The following JMJD1C variants were observed in gnomAD, a reference collection of about 807,000 sequenced individuals.
JMJD1C encodes jumonji domain-containing protein 1C.
In JMJD1C, 31 loss-of-function variants were observed where a neutral mutation model predicts 245.3. The ratio of observed to expected loss-of-function variants is 0.13; its 90% CI spans 0.09 to 0.17. The LOEUF (loss-of-function observed/expected upper bound fraction) is 0.17, where lower values mean the gene tolerates loss of function less well. Among genes scored for constraint, JMJD1C ranks in the 10% least tolerant of loss-of-function variants. The pLI, the probability that JMJD1C is intolerant of heterozygous loss-of-function variation, is 1.00. For missense variants in JMJD1C, 2,691 were observed against 3,000.2 expected (o/e 0.90, Z 2.41); for synonymous variants, 1,057 against 1,017.4 (o/e 1.04, Z -0.74).
intron 16 of JMJD1C, among the ~76,000 whole-genome samples, chr10:63,191,999 A>C (rs1259417113): frequency 2.7e-5 from 4 of 150,330 alleles, no homozygotes; most frequent in African/African-American, 9.7e-5. Flanking sequence ...AAAAAAAAAA[A>C]AAAAAAAAAA....
chr10:63,168,359 CT>C (rs1842040543), intron 25 of JMJD1C, 75 bp downstream of exon 25: 1 of 1,447,930 alleles, frequency 6.9e-7, no homozygotes, highest in African/African-American at 1.4e-5. Context: ...CAATGACTGC[CT>C]AAGCTGTTAT....
At position 63,209,115 on chromosome 10, in the gene JMJD1C, T is replaced by C. The variant is rs757263816; in HGVS notation, c.2815A>G (p.Thr939Ala). ...GTCAATGGTGGACTGGAATGGGCTG[T>C]AATTTTAAGAGGCCGATGAGGCTCT... is the stretch of plus-strand genomic sequence containing the variant. ...SAEPHRPLKI[T>A]AHSSPPLTKT... is the part of the protein sequence containing the mutation. The change falls in exon 9 of 26, where the codon ACA becomes GCA. Residue 939 changes from threonine (T) to alanine (A), a missense_variant. Around this residue, in one of 9 missense-constraint regions of JMJD1C, gnomAD observed 1,562 missense variants for 1,490.7 expected, o/e 1.05. Coordinates refer to ENST00000399262, the MANE Select transcript of JMJD1C (RefSeq NM_032776.3). 2.9e-5 allele frequency: 47 copies of C among 1,614,004 alleles called. 2 individuals are homozygous for C. In the South Asian group the frequency reaches 4.8e-4, roughly 17 times the overall value.
chr10:63,493,248 T>C (rs1954231740), intron 1 of JMJD1C, among the ~76,000 whole-genome samples: 1 of 133,026 alleles, frequency 7.5e-6, no homozygotes, highest in South Asian at 2.5e-4. Context: ...AACTGTTATT[T>C]CTTTTTTTTT....
At chr10:63,268,664 TTGTTCTTGAGAATTTTAAA>T in intron 2 of JMJD1C, 1 of 972,200 alleles carries the variant, frequency 1.0e-6, no homozygotes, top group Non-Finnish European at 1.2e-6. Context: ...AAACCGTACT[TTGTTCTTGAGAATTTTAAA>T]GTATCTTTAA....
chr10:63,446,156 T>C (rs1232097207), intron 1 of JMJD1C, among the ~76,000 whole-genome samples: 1 of 151,922 alleles, frequency 6.6e-6, no homozygotes, highest in Non-Finnish European at 1.5e-5. Context: ...ATTACAGGCG[T>C]TGAGCCACCA....
At chr10:63,316,273 C>T (rs541490867) in intron 2 of JMJD1C, among the ~76,000 whole-genome samples, 4 of 152,304 alleles carry the variant, frequency 2.6e-5, no homozygotes, top group East Asian at 3.9e-4. Flanking sequence ...GTTAGAAGTA[C>T]GCAGTAATTT....
intron 16 of JMJD1C, 87 bp downstream of exon 16, chr10:63,192,845 CAATATT>C: frequency 2.1e-6 from 2 of 947,396 alleles, no homozygotes; most frequent in South Asian, 2.9e-5. Context: ...TTGTTTACCT[CAATATT>C]AACAGTACTT....
At chr10:63,428,020 T>G in intron 1 of JMJD1C, 1 of 623,500 alleles carries the variant, frequency 1.6e-6, no homozygotes, top group Non-Finnish European at 2.9e-6. Flanking sequence ...CCACTGTACT[T>G]TATCATTAAA....
chr10:63,491,966 C>G (rs1396581169), intron 1 of JMJD1C, among the ~76,000 whole-genome samples: 1 of 152,226 alleles, frequency 6.6e-6, no homozygotes, highest in African/African-American at 2.4e-5. Flanking sequence ...GGGAATGCAA[C>G]CTAGCAGAAA....
chr10:63,223,802 G>A (rs1035482494), intron 3 of JMJD1C, among the ~76,000 whole-genome samples: 15 of 151,834 alleles, frequency 9.9e-5, no homozygotes, highest in Admixed American at 9.2e-4. Context: ...CGCCCAGGCC[G>A]GAGTGCAGTG....
chr10:63,481,034 CAT>C (rs1430582272), intron 1 of JMJD1C, among the ~76,000 whole-genome samples: 1 of 152,210 alleles, frequency 6.6e-6, no homozygotes, highest in Non-Finnish European at 1.5e-5. Flanking sequence ...AAATGCCACT[CAT>C]GTGTTGACAT....
chr10:63,171,273 T>C (rs965503379), intron 24 of JMJD1C, among the ~76,000 whole-genome samples: 10 of 93,886 alleles, frequency 1.1e-4, no homozygotes, highest in Non-Finnish European at 2.2e-4. Flanking sequence ...GTCAGGGTCA[T>C]TGCTCTGTGG....
At chr10:63,322,773 A>C (rs1470562553) in intron 2 of JMJD1C, among the ~76,000 whole-genome samples, 1 of 136,300 alleles carries the variant, frequency 7.3e-6, no homozygotes, top group Admixed American at 8.1e-5. Context: ...ACTGGACTCC[A>C]GCCTGGGCAA....
chr10:63,383,637 C>T (rs981153205), intron 1 of JMJD1C, among the ~76,000 whole-genome samples: 7 of 151,934 alleles, frequency 4.6e-5, no homozygotes, highest in Admixed American at 2.0e-4. Context: ...GAGGTTGAGG[C>T]TGCAATGAGC....
At chr10:63,322,647 T>C (rs892515230) in intron 2 of JMJD1C, among the ~76,000 whole-genome samples, 1 of 151,752 alleles carries the variant, frequency 6.6e-6, no homozygotes, top group African/African-American at 2.4e-5. Flanking sequence ...ACCCCGTCTC[T>C]ACTAAAAATA....
intron 1 of JMJD1C, among the ~76,000 whole-genome samples, chr10:63,482,159 AG>A (rs1213365668): frequency 1.3e-5 from 2 of 152,128 alleles, no homozygotes; most frequent in East Asian, 3.8e-4. Context: ...GACATTGATG[AG>A]GAAAAAAAAA....
chr10:63,271,648 T>C (rs940745986), intron 2 of JMJD1C, among the ~76,000 whole-genome samples: 3 of 151,668 alleles, frequency 2.0e-5, no homozygotes, highest in Admixed American at 6.6e-5. Flanking sequence ...GCCTCCTGGG[T>C]TCAAGCGATT....
intron 1 of JMJD1C, among the ~76,000 whole-genome samples, chr10:63,440,905 G>A (rs1211959583): frequency 6.6e-6 from 1 of 152,066 alleles, no homozygotes; most frequent in Non-Finnish European, 1.5e-5. Flanking sequence ...GATCAAAAAA[G>A]CCATGGTTCA....
At position 63,207,827 on chromosome 10, in the gene JMJD1C, T is replaced by G; in HGVS notation, c.3842A>C (p.Asn1281Thr). ...SLTEMWRPNN[N>T]LSKEKTEWHV... Reference sequence around the variant, plus strand: ...CCATTCAGTTTTCTCTTTGCTGAGGTTATTATTAGGTCTCCACATCTCCGT... The same window carrying G: ...CCATTCAGTTTTCTCTTTGCTGAGGGTATTATTAGGTCTCCACATCTCCGT... The change falls in exon 10 of 26, where the codon AAC (asparagine) becomes ACC (threonine). Residue 1281 changes from asparagine (N) to threonine (T), a missense_variant. By Grantham distance (65) the Asn-to-Thr change is moderately conservative. This residue lies in a region of JMJD1C where 1,562 missense variants were observed against 1,490.7 expected (regional missense o/e 1.05). Coordinates refer to ENST00000399262, the MANE Select transcript of JMJD1C (RefSeq NM_032776.3). 6.2e-7 allele frequency: 1 copy of G among 1,614,132 alleles called. No homozygotes were observed. Among genetic ancestry groups the G allele is most frequent in the Non-Finnish European group, 8.5e-7 (1 of 1,180,004 alleles).
Sources: gnomAD v4.1 joint callset for allele counts (sites outside exome capture counted in the v4.1 genomes callset) on GRCh38, gnomAD v4.1.1 for gene constraint, gnomAD v4.1.1 regional missense constraint, MANE v1.5 for transcripts, NCBI Gene and HGNC (gene_info 2026-07-23, HGNC 2026-07-21) for gene names.